NCOA5: variants seen among roughly 807,000 people sequenced by gnomAD.
NCOA5 encodes NCoA-5.
In NCOA5, 12 loss-of-function variants were observed where a neutral mutation model predicts 59.0. That is an observed-to-expected ratio of 0.20 (90% CI 0.13 to 0.33). The LOEUF is 0.33. Ranked by LOEUF, NCOA5 falls within the 10% of genes least tolerant of loss-of-function variation. NCOA5 has a pLI of 1.00. For synonymous variants in NCOA5, 270 were observed against 275.5 expected (o/e 0.98, Z 0.20); for missense variants, 655 against 766.6 (o/e 0.85, Z 1.72).
chr20:46,086,997 T>C (rs2085052231), intron 1 of NCOA5, among the ~76,000 whole-genome samples: 1 of 152,234 alleles, frequency 6.6e-6, no homozygotes, highest in African/African-American at 2.4e-5. Flanking sequence ...CAATGATGTC[T>C]TGAATATGTT....
At chr20:46,070,847 T>G (rs1356619161) in intron 2 of NCOA5, among the ~76,000 whole-genome samples, 5 of 152,048 alleles carry the variant, frequency 3.3e-5, no homozygotes, top group African/African-American at 1.2e-4. Flanking sequence ...AAAGAGACTT[T>G]ACAAGGGGTA....
At chr20:46,070,159 C>T (rs1428055132) in intron 3 of NCOA5, 51 bp downstream of exon 3, 1 of 1,440,986 alleles carries the variant, frequency 6.9e-7, no homozygotes, top group South Asian at 1.2e-5. Context: ...TTTAGCAGAA[C>T]ATACATAAAA....
At chr20:46,089,520 G>A (rs1002262775) in intron 1 of NCOA5, among the ~76,000 whole-genome samples, 1 of 152,222 alleles carries the variant, frequency 6.6e-6, no homozygotes, top group African/African-American at 2.4e-5. Flanking sequence ...AGGACTCCTA[G>A]TGACCGACCG....
intron 1 of NCOA5, among the ~76,000 whole-genome samples, chr20:46,080,315 A>T (rs931402091): frequency 6.6e-6 from 1 of 152,210 alleles, no homozygotes; most frequent in Non-Finnish European, 1.5e-5. Context: ...CTATGCCCCA[A>T]AATAATACCT....
intron 5 of NCOA5, among the ~76,000 whole-genome samples, chr20:46,066,653 A>G (rs1345680003): frequency 6.6e-6 from 1 of 152,234 alleles, no homozygotes; most frequent in Non-Finnish European, 1.5e-5. Context: ...ACACTGGGAA[A>G]GAGAAGTTCT....
intron 2 of NCOA5, among the ~76,000 whole-genome samples, chr20:46,079,172 C>A (rs2084967718): frequency 6.6e-6 from 1 of 152,138 alleles, no homozygotes; most frequent in South Asian, 2.1e-4. Context: ...GCTGAACTTG[C>A]TGGATTTGCC....
chr20:46,083,079 A>ATGTG (rs1600633331), intron 1 of NCOA5, among the ~76,000 whole-genome samples: 2 of 152,210 alleles, frequency 1.3e-5, no homozygotes, highest in South Asian at 4.1e-4. Flanking sequence ...ATAGTTCATA[A>ATGTG]GCTACAGCCA....
chr20:46,088,916 T>A (rs561728159), intron 1 of NCOA5, among the ~76,000 whole-genome samples: 19 of 152,360 alleles, frequency 1.2e-4, no homozygotes, highest in Admixed American at 9.8e-4. Flanking sequence ...TTATTTTTTT[T>A]ATAAGCATTA....
intron 4 of NCOA5, among the ~76,000 whole-genome samples, chr20:46,067,783 A>G (rs1214193322): frequency 1.3e-5 from 2 of 152,184 alleles, no homozygotes; most frequent in African/African-American, 2.4e-5. Context: ...GTTTGCCTTC[A>G]TCTAAAAAAG....
chr20:46,071,176 A>AAAAC (rs2084879118), intron 2 of NCOA5, among the ~76,000 whole-genome samples: 3 of 141,540 alleles, frequency 2.1e-5, no homozygotes, highest in Non-Finnish European at 4.7e-5. Flanking sequence ...CAAAACAAAA[A>AAAAC]AACAACCTGA....
chr20:46,080,374 T>C (rs966694131), intron 1 of NCOA5, among the ~76,000 whole-genome samples: 2 of 152,324 alleles, frequency 1.3e-5, no homozygotes, highest in Non-Finnish European at 2.9e-5. Flanking sequence ...ACAAATTTCA[T>C]ACTTCAGATG....
rs2084780074 is a variant in NCOA5, at chr20:46,062,708, C to T, written c.1332G>A (p.Val444=). ...GGGATGCAGAGCTGCTATTGGCCGT[C>T]ACTGTGCCACTATTGAAGAGGCTGA... ...KILSLFNSGT[V]TANSSSASPS... is the part of the protein sequence containing the mutation. Residue 444 remains valine, a synonymous_variant, in exon 8 of 8, where the codon GTG becomes GTA. Transcript: ENST00000290231. The T allele has an allele frequency of 1.2e-6, 2 of 1,614,034 alleles. No individual in the cohort carries two copies. Among genetic ancestry groups the T allele is most frequent in the Non-Finnish European group, 1.7e-6 (2 of 1,179,928 alleles).
At position 46,061,063 on chromosome 20, in the gene NCOA5, A is replaced by AC. The variant is rs1409632408; in HGVS notation, c.*1236_*1237insG. Reference sequence around the variant, plus strand: ...CAAGAGTTCCAAAGAGGAAAAAAAAAACCACTATATAACACAAACAGGTCA... The same window carrying AC: ...CAAGAGTTCCAAAGAGGAAAAAAAAACACCACTATATAACACAAACAGGTCA... On this transcript the variant is annotated 3_prime_UTR_variant, in exon 8 of 8. Coordinates refer to ENST00000290231, the MANE Select transcript of NCOA5 (RefSeq NM_020967.3). The AC allele has an allele frequency of 1.3e-5, 2 of 152,164 alleles. No homozygotes were observed. The highest frequency in any genetic ancestry group is 4.8e-5 in the African/African-American group (2 of 41,418). 9.4% of individuals were successfully genotyped at this position (152,164 alleles called of 1,614,324 possible). A position where few individuals can be genotyped will look rare whatever the true frequency, so the allele number is the denominator to read the frequency against.
intron 2 of NCOA5, among the ~76,000 whole-genome samples, chr20:46,076,139 C>T (rs1420182440): frequency 3.9e-5 from 6 of 152,112 alleles, no homozygotes; most frequent in African/African-American, 1.4e-4. Context: ...ACGTAGAAAG[C>T]GCTAAAAATG....
intron 4 of NCOA5, among the ~76,000 whole-genome samples, chr20:46,068,232 C>A (rs2084844753): frequency 6.6e-6 from 1 of 152,194 alleles, no homozygotes; most frequent in African/African-American, 2.4e-5. Flanking sequence ...CAGTGACCAG[C>A]ATTTTGTTCA....
chr20:46,070,614 C>A (rs2084873086), intron 2 of NCOA5, 78 bp from the exon 3 acceptor site: 2 of 1,357,512 alleles, frequency 1.5e-6, no homozygotes, highest in African/African-American at 1.5e-5. Flanking sequence ...ATGAGAAAAC[C>A]CCCACCCTCC....
intron 1 of NCOA5, among the ~76,000 whole-genome samples, chr20:46,087,717 G>A (rs948609715): frequency 6.6e-6 from 1 of 152,168 alleles, no homozygotes; most frequent in Non-Finnish European, 1.5e-5. Context: ...ACTCCAGCCT[G>A]GGCAACAAGA....
intron 6 of NCOA5, 41 bp from the exon 7 acceptor site, chr20:46,063,721 T>C: frequency 6.4e-7 from 1 of 1,574,022 alleles, no homozygotes; most frequent in South Asian, 1.1e-5. Context: ...TTCCATGACA[T>C]ATTTAAGTGC....
chr20:46,086,721 T>G (rs931689897), intron 1 of NCOA5, among the ~76,000 whole-genome samples: 1 of 152,218 alleles, frequency 6.6e-6, no homozygotes, highest in African/African-American at 2.4e-5. Flanking sequence ...AGCAGCTGTC[T>G]TAAAGATATG....
Sources: allele counts gnomAD v4.1 joint callset (sites outside exome capture counted in the v4.1 genomes callset), GRCh38; gene constraint gnomAD v4.1.1; transcripts MANE v1.5; gene names NCBI Gene and HGNC (gene_info 2026-07-23, HGNC 2026-07-21).